The following DCC variants were observed in gnomAD, a reference collection of about 807,000 sequenced individuals.
The protein encoded by DCC is netrin receptor DCC.
A neutral mutation model predicts 172.5 loss-of-function variants in DCC; 58 were observed. That is an observed-to-expected ratio of 0.34 (90% CI 0.27 to 0.42). The LOEUF (loss-of-function observed/expected upper bound fraction) is 0.42. DCC is among the 10% of genes least tolerant of loss of function. DCC has a pLI of 1.00. For missense variants in DCC, 1,740 were observed against 1,791.0 expected (o/e 0.97, Z 0.51); for synonymous variants, 709 against 644.5 (o/e 1.10, Z -1.52).
intron 5 of DCC, among the ~76,000 whole-genome samples, chr18:52,992,252 A>G (rs1029008043): frequency 6.6e-6 from 1 of 152,194 alleles, no homozygotes; most frequent in African/African-American, 2.4e-5. Context: ...CTGAATGCAC[A>G]GGAGCTCCCC....
intron 2 of DCC, among the ~76,000 whole-genome samples, chr18:52,870,664 T>C (rs2039304823): frequency 6.6e-6 from 1 of 151,820 alleles, no homozygotes; most frequent in Non-Finnish European, 1.5e-5. Context: ...CGGTCCCACC[T>C]TGACCTGCCA....
intron 1 of DCC, among the ~76,000 whole-genome samples, chr18:52,501,517 T>C (rs953058253): frequency 1.1e-4 from 16 of 152,090 alleles, no homozygotes; most frequent in Admixed American, 7.2e-4. Flanking sequence ...CTTCCTGAAT[T>C]GTATTCAGGG....
intron 2 of DCC, among the ~76,000 whole-genome samples, chr18:52,874,021 C>CA (rs1568161066): frequency 6.6e-6 from 1 of 152,056 alleles, no homozygotes; most frequent in Non-Finnish European, 1.5e-5. Context: ...TCTTCACGAT[C>CA]AAAAATCAGT....
chr18:53,313,169 T>C (rs1287315989), intron 13 of DCC, among the ~76,000 whole-genome samples: 1 of 152,220 alleles, frequency 6.6e-6, no homozygotes, highest in East Asian at 1.9e-4. Context: ...CAAAAATTGC[T>C]TGGTGGTGGT....
chr18:52,448,794 C>G lies in DCC; in HGVS notation c.91+107916C>G, dbSNP rs1170019007. Among the ~76,000 whole-genome samples, 3 of 152,304 alleles carry G rather than the reference C, an allele frequency of 2.0e-5. No individual in the cohort carries two copies. In the East Asian group the frequency reaches 5.8e-4, roughly 29 times the overall value. ...ACACTTTGTACTTTTACCTTCCCAG[C>G]TAATGGCCATAACTTTCACCCTAGT... is the stretch of plus-strand genomic sequence containing the variant. On this transcript the variant is annotated intron_variant, in intron 1 of 28. Coordinates refer to ENST00000442544, the MANE Select transcript of DCC (RefSeq NM_005215.4).
intron 7 of DCC, among the ~76,000 whole-genome samples, chr18:53,096,138 TA>T (rs1014992324): frequency 6.6e-6 from 1 of 151,952 alleles, no homozygotes; most frequent in African/African-American, 2.4e-5. Context: ...ACATGTACCC[TA>T]AAACTTAAAG....
chr18:52,783,321 C>CTTTTTTT (rs1568100450), intron 2 of DCC, among the ~76,000 whole-genome samples: 2 of 62,122 alleles, frequency 3.2e-5, no homozygotes, highest in Non-Finnish European at 5.9e-5. Context: ...TATACTACTA[C>CTTTTTTT]TCTTTTTTTT....
chr18:53,090,698 CAAA>C (rs59898050), intron 7 of DCC, among the ~76,000 whole-genome samples: 131 of 39,332 alleles, frequency 3.3e-3, no homozygotes, highest in African/African-American at 8.8e-3. Context: ...CGTCCCCCAA[CAAA>C]AAAAAAAAAA....
chr18:53,370,088 AC>A (rs57042501), intron 15 of DCC, among the ~76,000 whole-genome samples: 22 of 151,802 alleles, frequency 1.4e-4, no homozygotes, highest in African/African-American at 4.8e-4. Flanking sequence ...GAGGTCCTGG[AC>A]TTTTACTTGT....
At chr18:53,255,484 G>A (rs570525627) in intron 12 of DCC, among the ~76,000 whole-genome samples, 22 of 150,318 alleles carry the variant, frequency 1.5e-4, no homozygotes, top group Non-Finnish European at 2.5e-4. Flanking sequence ...TTTGTCTTGC[G>A]ATAGTTTGCT....
chr18:53,113,795 C>T (rs1314478598), intron 7 of DCC, among the ~76,000 whole-genome samples: 3 of 151,216 alleles, frequency 2.0e-5, no homozygotes, highest in Non-Finnish European at 4.4e-5. Flanking sequence ...GACTCAATCC[C>T]ATTAAATAGC....
chr18:53,162,298 CAAAA>C (rs59626358), intron 8 of DCC, among the ~76,000 whole-genome samples: 1 of 114,772 alleles, frequency 8.7e-6, no homozygotes. Flanking sequence ...GACTCTGCCT[CAAAA>C]AAAAAAAAAA....
rs1491328655 is a variant in DCC at position 53,351,334 on chromosome 18, AGT to A, written c.2359+11430_2359+11431del. Among the ~76,000 whole-genome samples the A allele has an allele frequency of 3.3e-3, 57 of 17,044 alleles. 1 individual carries two copies. The highest frequency in any genetic ancestry group is 3.9e-3 in the African/African-American group (22 of 5,640). 11.2% of individuals were successfully genotyped at this position (17,044 alleles called of 152,430 possible). A position where few individuals can be genotyped will look rare whatever the true frequency, so the allele number is the denominator to read the frequency against. ...ATATATACACTGTATATATATATAC[AGT>A]GTATATATATATACACAGTATATAT... On this transcript the variant is annotated intron_variant, in intron 15 of 28. Coordinates refer to ENST00000442544, the MANE Select transcript of DCC (RefSeq NM_005215.4).
chr18:52,871,524 C>T (rs985272572), intron 2 of DCC, among the ~76,000 whole-genome samples: 2 of 152,142 alleles, frequency 1.3e-5, no homozygotes, highest in African/African-American at 4.8e-5. Context: ...AGCACAGTGA[C>T]ATGATCATAG....
At chr18:53,328,921 A>G (rs1043037685) in intron 14 of DCC, among the ~76,000 whole-genome samples, 1 of 152,190 alleles carries the variant, frequency 6.6e-6, no homozygotes, top group Non-Finnish European at 1.5e-5. Context: ...CATTGGTTTT[A>G]TGAAACTTCT....
intron 13 of DCC, among the ~76,000 whole-genome samples, chr18:53,311,256 G>A (rs2057264476): frequency 6.6e-6 from 1 of 151,970 alleles, no homozygotes; most frequent in Non-Finnish European, 1.5e-5. Flanking sequence ...CCAGTAGCTG[G>A]GATTACAGGC....
intron 12 of DCC, among the ~76,000 whole-genome samples, chr18:53,228,901 C>T (rs1334923169): frequency 6.6e-6 from 1 of 152,134 alleles, no homozygotes; most frequent in Non-Finnish European, 1.5e-5. Context: ...TTCTTCTATA[C>T]TTAACTAATT....
chr18:52,649,082 T>TG (rs2035072208), intron 1 of DCC, among the ~76,000 whole-genome samples: 1 of 152,124 alleles, frequency 6.6e-6, no homozygotes, highest in Admixed American at 6.5e-5. Context: ...TAACTAAAGA[T>TG]TAACTTTATG....
chr18:52,904,795 C>T (rs985327027), intron 2 of DCC, among the ~76,000 whole-genome samples: 7 of 152,094 alleles, frequency 4.6e-5, no homozygotes, highest in African/African-American at 1.7e-4. Context: ...AAAATTAAAA[C>T]AATTCTGGAA....
Sources: allele counts gnomAD v4.1 joint callset (sites outside exome capture counted in the v4.1 genomes callset), GRCh38; gene constraint gnomAD v4.1.1; transcripts MANE v1.5; gene names NCBI Gene and HGNC (gene_info 2026-07-23, HGNC 2026-07-21).